Variants in LPP observed in about 807,000 individuals in gnomAD.
LPP encodes lipoma-preferred partner.
Under a neutral mutation model 60.4 loss-of-function variants are expected in LPP, and 38 were observed. The observed-to-expected ratio is 0.63, with a 90% CI of 0.49 to 0.83. LPP has a LOEUF of 0.83. LPP is among the 40% of genes least tolerant of loss of function. LPP has a pLI of 0.00. For synonymous variants in LPP, 328 were observed against 290.8 expected (o/e 1.13, Z -1.30); for missense variants, 902 against 783.6 (o/e 1.15, Z -1.80).
intron 5 of LPP, among the ~76,000 whole-genome samples, chr3:188,506,861 A>C (rs9823488): frequency 6.6e-6 from 1 of 151,484 alleles, no homozygotes; most frequent in South Asian, 2.1e-4. Flanking sequence ...GCAGTGGCGC[A>C]ATCTCGGCTC....
At chr3:188,284,456 G>A (rs1743234344) in intron 2 of LPP, among the ~76,000 whole-genome samples, 1 of 152,128 alleles carries the variant, frequency 6.6e-6, no homozygotes, top group South Asian at 2.1e-4. Flanking sequence ...CCAAGGGGGA[G>A]GTGGAGGATT....
intron 8 of LPP, among the ~76,000 whole-genome samples, chr3:188,720,933 G>A (rs2149872415): frequency 6.6e-6 from 1 of 152,258 alleles, no homozygotes; most frequent in South Asian, 2.1e-4. Flanking sequence ...AGGAGTAATG[G>A]AAATGAGTTT....
chr3:188,728,208 T>A (rs191562405), intron 8 of LPP, among the ~76,000 whole-genome samples: 3 of 151,980 alleles, frequency 2.0e-5, no homozygotes, highest in East Asian at 1.9e-4. Flanking sequence ...GCTGATGGAG[T>A]GTGCCATACC....
At chr3:188,400,855 C>T (rs1782066993) in intron 3 of LPP, among the ~76,000 whole-genome samples, 1 of 152,098 alleles carries the variant, frequency 6.6e-6, no homozygotes. Context: ...CAGTTCTCAC[C>T]ACTGCTTATT....
intron 1 of LPP, among the ~76,000 whole-genome samples, chr3:188,164,781 A>G (rs1052849261): frequency 8.5e-5 from 13 of 152,238 alleles, no homozygotes; most frequent in African/African-American, 2.9e-4. Context: ...ACAGCTGGAC[A>G]GGACCCTAAA....
intron 1 of LPP, among the ~76,000 whole-genome samples, chr3:188,199,003 C>T (rs894383564): frequency 2.6e-5 from 4 of 152,304 alleles, no homozygotes; most frequent in Non-Finnish European, 4.4e-5. Context: ...GGGGGAATGA[C>T]GCTTCTGTGC....
chr3:188,215,221 G>A (rs1713049820), intron 1 of LPP, among the ~76,000 whole-genome samples: 1 of 152,002 alleles, frequency 6.6e-6, no homozygotes, highest in South Asian at 2.1e-4. Flanking sequence ...TGGGAGGATT[G>A]CTTGAATCCA....
In LPP at chr3:188,728,875, G is replaced by GAA. The variant is rs199585319; in HGVS notation, c.1240+20494_1240+20495dup. ...ATTAGAATTACTATAAGTGCTTTCT[G>GAA]AAAAAAAAAAAAATGTACCATGAAC... On this transcript the variant is annotated intron_variant, in intron 8 of 11. Transcript: ENST00000617246. Among the ~76,000 whole-genome samples the GAA allele has an allele frequency of 3.5e-5, 5 of 143,846 alleles. No homozygotes were observed. The East Asian group carries it at 8.1e-4, about 23-fold the overall frequency. 94.4% of individuals were successfully genotyped at this position (143,846 alleles called of 152,430 possible).
chr3:188,814,650 G>A (rs921015708), intron 9 of LPP, among the ~76,000 whole-genome samples: 3 of 152,168 alleles, frequency 2.0e-5, no homozygotes, highest in Admixed American at 2.0e-4. Flanking sequence ...GGTTTATTGT[G>A]ACTTGAATGA....
At chr3:188,441,165 T>C (rs998522689) in intron 4 of LPP, among the ~76,000 whole-genome samples, 1 of 152,190 alleles carries the variant, frequency 6.6e-6, no homozygotes, top group Non-Finnish European at 1.5e-5. Context: ...CCCTTTGTGG[T>C]TGACACTGCA....
At chr3:188,818,810 T>A (rs1327976968) in intron 9 of LPP, among the ~76,000 whole-genome samples, 2 of 152,174 alleles carry the variant, frequency 1.3e-5, no homozygotes, top group Admixed American at 1.3e-4. Context: ...GAACGTTATA[T>A]ATGTGAAGTG....
chr3:188,374,944 T>C (rs1229944160), intron 3 of LPP, among the ~76,000 whole-genome samples: 1 of 152,120 alleles, frequency 6.6e-6, no homozygotes, highest in African/African-American at 2.4e-5. Context: ...CAAAGGCCTT[T>C]TCTGCATCTA....
intron 5 of LPP, among the ~76,000 whole-genome samples, chr3:188,503,382 A>G (rs1477024840): frequency 1.3e-5 from 2 of 152,168 alleles, no homozygotes; most frequent in African/African-American, 4.8e-5. Context: ...TCAAATTACA[A>G]TAATATGAGA....
At position 188,217,780 on chromosome 3, in the gene LPP, G is replaced by C. The variant is rs142923447; in HGVS notation, c.-189-7625G>C. On this transcript the variant is annotated intron_variant, in intron 1 of 11. Transcript: ENST00000617246. This position sits in a 1 kb window ranked among gnomAD's most constrained non-coding sequence, Gnocchi z 4.0. The stretch of plus-strand genomic sequence containing the variant: ...GCAGCTGGCGTTCCAAGACCAAAGA[G>C]TATCTGTTTCTCACCCCTCTCCCAT... Among the ~76,000 whole-genome samples the C allele has an allele frequency of 5.3e-4, 81 of 152,308 alleles. No individual in the cohort carries two copies. Among genetic ancestry groups the C allele is most frequent in the African/African-American group, 1.9e-3 (77 of 41,552 alleles).
chr3:188,608,848 C>T (rs537699477), intron 6 of LPP, among the ~76,000 whole-genome samples: 89 of 152,114 alleles, frequency 5.9e-4, no homozygotes, highest in South Asian at 1.0e-3. Context: ...TTTCTTTCAC[C>T]GATGTTTAAT....
intron 5 of LPP, among the ~76,000 whole-genome samples, chr3:188,520,654 T>A (rs1818622338): frequency 6.6e-6 from 1 of 152,206 alleles, no homozygotes; most frequent in Admixed American, 6.5e-5. Context: ...CCAAAATAAA[T>A]GGCCAACATG....
intron 2 of LPP, among the ~76,000 whole-genome samples, chr3:188,300,543 A>G (rs953438029): frequency 6.6e-6 from 1 of 150,748 alleles, no homozygotes; most frequent in African/African-American, 2.4e-5. Flanking sequence ...GGAGTTTAGC[A>G]GTACTTTTAG....
chr3:188,256,268 T>G (rs1731642888), intron 2 of LPP, among the ~76,000 whole-genome samples: 1 of 152,230 alleles, frequency 6.6e-6, no homozygotes, highest in South Asian at 2.1e-4. Context: ...AAACCTTAGT[T>G]AATGAATATT....
chr3:188,872,809 A>G, intron 11 of LPP, 46 bp downstream of exon 11: 1 of 1,612,720 alleles, frequency 6.2e-7, no homozygotes, highest in African/African-American at 1.3e-5. Flanking sequence ...AGGCGTTGAA[A>G]GGCTCGTTCG....
Sources: allele counts gnomAD v4.1 joint callset (sites outside exome capture counted in the v4.1 genomes callset), GRCh38; gene constraint gnomAD v4.1.1; non-coding constraint Gnocchi (gnomAD v3.1); transcripts MANE v1.5; gene names NCBI Gene and HGNC (gene_info 2026-07-23, HGNC 2026-07-21).